Variants in CCDC110 observed in about 807,000 individuals in gnomAD.
The protein encoded by CCDC110 is coiled-coil domain-containing protein 110.
A neutral mutation model predicts 77.1 loss-of-function variants in CCDC110; 70 were observed. That is an observed-to-expected ratio of 0.91 (90% CI 0.75 to 1.11). The LOEUF is 1.11. CCDC110 is among the 50% of genes least tolerant of loss of function. CCDC110 has a pLI of 0.00. For missense variants in CCDC110, 868 were observed against 942.9 expected (o/e 0.92, Z 1.04); for synonymous variants, 295 against 312.5 (o/e 0.94, Z 0.59).
chr4:185,466,568 G>C (rs887089517), intron 2 of CCDC110, among the ~76,000 whole-genome samples: 11 of 116,398 alleles, frequency 9.5e-5, no homozygotes, highest in African/African-American at 3.8e-4. Context: ...AAAGTCAAGA[G>C]GGATTTTTTT....
At chr4:185,450,303 G>C (rs1290360484) in intron 6 of CCDC110, among the ~76,000 whole-genome samples, 3 of 152,158 alleles carry the variant, frequency 2.0e-5, no homozygotes, top group Non-Finnish European at 4.4e-5. Flanking sequence ...TTCTGAAGTT[G>C]GAAGATGGAT....
At chr4:185,451,210 C>T (rs1452461859) in intron 6 of CCDC110, among the ~76,000 whole-genome samples, 3 of 147,966 alleles carry the variant, frequency 2.0e-5, no homozygotes, top group East Asian at 4.3e-4. Flanking sequence ...ACTGTGAGTC[C>T]ATTAAACCTC....
intron 4 of CCDC110, among the ~76,000 whole-genome samples, chr4:185,462,184 G>A (rs947391207): frequency 1.3e-5 from 2 of 152,220 alleles, no homozygotes; most frequent in Non-Finnish European, 1.5e-5. Flanking sequence ...ACCACAGGGA[G>A]TCTGAGAATC....
intron 2 of CCDC110, chr4:185,470,694 C>A (rs2095664444): frequency 1.7e-6 from 1 of 589,572 alleles, no homozygotes; most frequent in East Asian, 3.7e-5. Flanking sequence ...AGGGAGTTAA[C>A]CTCTCTGTGC....
intron 2 of CCDC110, among the ~76,000 whole-genome samples, chr4:185,469,329 C>A (rs557230366): frequency 1.3e-5 from 2 of 152,184 alleles, no homozygotes; most frequent in Non-Finnish European, 2.9e-5. Flanking sequence ...TTATTAAGAA[C>A]CTGTCCTGTG....
At chr4:185,463,994 T>C (rs1332104230) in intron 2 of CCDC110, among the ~76,000 whole-genome samples, 2 of 152,214 alleles carry the variant, frequency 1.3e-5, no homozygotes, top group South Asian at 2.1e-4. Flanking sequence ...CCGTCCTGGA[T>C]AGATTATAGA....
chr4:185,471,255 T>TAGGAGGGGGCGGGGC (rs1561174013), intron 1 of CCDC110, among the ~76,000 whole-genome samples: 1 of 33,092 alleles, frequency 3.0e-5, no homozygotes, highest in African/African-American at 9.7e-5. Context: ...GGGGGCGGGT[T>TAGGAGGGGGCGGGGC]TGAAGGCTGG....
rs767715417 is a variant in CCDC110, at chr4:185,459,941, C to G, written c.646G>C (p.Asp216His). The change falls in exon 6 of 7, where the codon GAT becomes CAT. Residue 216 changes from aspartate to histidine, a missense_variant. Coordinates refer to ENST00000307588, the MANE Select transcript of CCDC110 (RefSeq NM_152775.4). ...TTGGATTTATCCAGAATTACTGTAT[C>G]AGCTTGAGACATCACATTTGGAGGT... ...TAPPNVMSQA[D>H]TVILDKSKIT... is the part of the protein sequence containing the mutation. The G allele has an allele frequency of 1.2e-6, 2 of 1,613,808 alleles. No homozygotes were observed. The highest frequency in any genetic ancestry group is 2.2e-5 in the South Asian group (2 of 91,038).
chr4:185,470,973 C>G lies in CCDC110; in HGVS notation c.87G>C (p.Gly29=), dbSNP rs1311915451. 6.2e-7 allele frequency: 1 copy of G among 1,610,772 alleles called. No homozygotes were observed. The highest frequency in any genetic ancestry group is 1.4e-5 in the African/African-American group (1 of 73,548). ...SASKILNSSE[G]VKESGCSDTE... ...TGTCACTGCAGCCACTTTCCTTCACCCCCTCCGAAGAATTTAGGATCTTGG... is the reference window on the plus strand; with the variant it reads ...TGTCACTGCAGCCACTTTCCTTCACGCCCTCCGAAGAATTTAGGATCTTGG... Residue 29 remains glycine (G), a synonymous_variant, in exon 2 of 7, where the codon GGG becomes GGC. Coordinates refer to ENST00000307588, the MANE Select transcript of CCDC110 (RefSeq NM_152775.4).
At position 185,458,524 on chromosome 4, in the gene CCDC110, C is replaced by T. The variant is rs924039703; in HGVS notation, c.2063G>A (p.Ser688Asn). The change falls in exon 6 of 7, where the codon AGT becomes AAT. Residue 688 changes from serine to asparagine, a missense_variant. Ser to Asn is a conservative substitution (Grantham distance 46). Transcript: ENST00000307588. ...TTCTGACAAGCTATTCTTATAAATA[C>T]TTGCTTCTGATTTTGCATTTTTTAT... ...QEIKNAKSEA[S>N]IYKNSLSEIG... is the part of the protein sequence containing the mutation. 2.5e-6 allele frequency: 4 copies of T among 1,608,660 alleles called. No homozygotes were observed. The highest frequency in any genetic ancestry group is 3.4e-6 in the Non-Finnish European group (4 of 1,179,056).
At chr4:185,467,055 G>A (rs536720498) in intron 2 of CCDC110, among the ~76,000 whole-genome samples, 7 of 152,286 alleles carry the variant, frequency 4.6e-5, no homozygotes, top group South Asian at 4.1e-4. Context: ...TGAGTGGAGC[G>A]GCCAGGGAGA....
At chr4:185,457,822 A>G (rs554226617) in intron 6 of CCDC110, 295 of 1,195,802 alleles carry the variant, frequency 2.5e-4, no homozygotes, top group Middle Eastern at 6.3e-4. Flanking sequence ...ATTCCTAGGG[A>G]AAAAAAAAAG....
chr4:185,469,524 C>A (rs1254223624), intron 2 of CCDC110, among the ~76,000 whole-genome samples: 1 of 152,246 alleles, frequency 6.6e-6, no homozygotes, highest in Non-Finnish European at 1.5e-5. Flanking sequence ...TTTCTTCTGA[C>A]CTTACATGCT....
intron 2 of CCDC110, among the ~76,000 whole-genome samples, chr4:185,466,414 T>G (rs184585735): frequency 6.6e-6 from 1 of 152,106 alleles, no homozygotes; most frequent in African/African-American, 2.4e-5. Flanking sequence ...ATGTCACTGC[T>G]GGCCATGCAG....
chr4:185,448,543 A>G (rs1433537960), intron 6 of CCDC110, among the ~76,000 whole-genome samples: 1 of 152,150 alleles, frequency 6.6e-6, no homozygotes, highest in African/African-American at 2.4e-5. Flanking sequence ...TCACTGAACC[A>G]CGATTCCCCT....
At position 185,458,165 on chromosome 4, in the gene CCDC110, A is replaced by G; in HGVS notation, c.2422T>C (p.Ser808Pro). The G allele has an allele frequency of 6.3e-7, 1 of 1,590,422 alleles. No individual in the cohort carries two copies. The highest frequency in any genetic ancestry group is 2.2e-5 in the East Asian group (1 of 44,486). The change falls in exon 6 of 7, where the codon TCT becomes CCT. Residue 808 changes from serine (S) to proline (P), a missense_variant. Transcript: ENST00000307588. ...GCCAAAGGCCTACTCTGAGGACTAG[A>G]AGTATCTTCGTGAGTATAGTTGTCA... ...HFDNYTHEDT[S>P]SPQSRPLASD...
intron 2 of CCDC110, 90 bp from the exon 3 acceptor site, chr4:185,463,139 G>T: frequency 1.1e-6 from 1 of 879,038 alleles, no homozygotes; most frequent in Non-Finnish European, 1.9e-6. Flanking sequence ...TAACTTGCTT[G>T]GATAGTGAGG....
At chr4:185,457,032 T>A (rs911294983) in intron 6 of CCDC110, 18 of 257,602 alleles carry the variant, frequency 7.0e-5, no homozygotes, top group Non-Finnish European at 9.3e-5. Context: ...CCAAATTGAA[T>A]CCAGGAATGT....
At chr4:185,467,680 A>G (rs2095658706) in intron 2 of CCDC110, among the ~76,000 whole-genome samples, 1 of 152,234 alleles carries the variant, frequency 6.6e-6, no homozygotes, top group Non-Finnish European at 1.5e-5. Flanking sequence ...TTTTATTCTG[A>G]GCCTGCAAAA....
Sources: gnomAD v4.1 joint callset for allele counts (sites outside exome capture counted in the v4.1 genomes callset) on GRCh38, gnomAD v4.1.1 for gene constraint, MANE v1.5 for transcripts, NCBI Gene and HGNC (gene_info 2026-07-23, HGNC 2026-07-21) for gene names.